PIK3CD: variants seen among roughly 807,000 people sequenced by gnomAD.
The protein encoded by PIK3CD is phosphatidylinositol 4,5-bisphosphate 3-kinase catalytic subunit delta isoform.
PIK3CD carries 20 observed loss-of-function variants against 122.9 expected under a neutral mutation model. The observed-to-expected ratio is 0.16, with a 90% CI of 0.11 to 0.24. The LOEUF is 0.24. Ranked by LOEUF, PIK3CD falls within the 10% of genes least tolerant of loss-of-function variation. The probability of loss-of-function intolerance (pLI) is 1.00; values close to 1 mark genes in which losing one functional copy is unlikely to be tolerated. For synonymous variants in PIK3CD, 596 were observed against 593.4 expected, an observed-to-expected ratio of 1.00 and a Z score of -0.06; for missense variants, 787 against 1,406.3, an observed-to-expected ratio of 0.56 and a Z score of 7.04.
chr1:9,637,706 A>G, the PIK3CD span, among the ~76,000 whole-genome samples: 1 of 152,152 alleles, frequency 6.6e-6, no homozygotes, highest in Non-Finnish European at 1.5e-5. Flanking sequence ...GTGGGAGACT[A>G]AAATCTACCA....
At chr1:9,725,076 G>C in intron 23 of PIK3CD, 140 bp downstream of exon 23, 1 of 1,114,242 alleles carries the variant, frequency 9.0e-7, no homozygotes, top group Non-Finnish European at 1.3e-6. Flanking sequence ...CCAGGACCCA[G>C]CAGTGGAGCT....
Position 9,720,125 on chromosome 1 carries a change from G to A in PIK3CD, c.1353G>A (p.Glu451=), listed in dbSNP as rs147088845. The change falls in exon 11 of 24, where the codon GAG becomes GAA. Residue 451 remains glutamate (E), a synonymous_variant. Transcript: ENST00000377346. This position sits in a 1 kb window ranked among gnomAD's most constrained non-coding sequence, Gnocchi z 9.0. Reference sequence around the variant, plus strand: ...CCCTGTGTTCAGATGAGAAGGGCGAGCTGCTGAACCCCACGGGCACTGTGC... The same window carrying A: ...CCCTGTGTTCAGATGAGAAGGGCGAACTGCTGAACCCCACGGGCACTGTGC... ...MWPSVPDEKG[E]LLNPTGTVRS... The A allele has an allele frequency of 3.1e-5, 50 of 1,613,134 alleles. No homozygotes were observed. Among genetic ancestry groups the A allele is most frequent in the African/African-American group, 1.7e-4 (13 of 74,938 alleles).
At chr1:9,707,101 C>T (rs1264816913) in intron 2 of PIK3CD, among the ~76,000 whole-genome samples, 1 of 151,818 alleles carries the variant, frequency 6.6e-6, no homozygotes, top group Non-Finnish European at 1.5e-5. Context: ...GCATGAGCCA[C>T]CATGAGCCCA....
At chr1:9,628,140 G>A in the PIK3CD span, among the ~76,000 whole-genome samples, 5 of 152,028 alleles carry the variant, frequency 3.3e-5, no homozygotes, top group African/African-American at 9.7e-5. Flanking sequence ...CTGTCTCTAC[G>A]AAAATACAAA....
chr1:9,657,012 A>G (rs539768371), intron 1 of PIK3CD, among the ~76,000 whole-genome samples: 1 of 151,714 alleles, frequency 6.6e-6, no homozygotes, highest in South Asian at 2.1e-4. Flanking sequence ...TTAAGGCATC[A>G]GCAAGGCCTC....
intron 23 of PIK3CD, among the ~76,000 whole-genome samples, chr1:9,726,274 C>T (rs961962091): frequency 1.2e-4 from 18 of 151,990 alleles, no homozygotes; most frequent in Non-Finnish European, 1.9e-4. Context: ...TTTGGGAGGC[C>T]AAGGCGGGTG....
the PIK3CD span, among the ~76,000 whole-genome samples, chr1:9,645,020 CTTTTCTTT>C: frequency 1.7e-5 from 2 of 120,722 alleles, no homozygotes. Context: ...CTTTTCTTTT[CTTTTCTTT>C]TTTTTTTTTT....
chr1:9,681,743 A>G (rs1258974897), intron 1 of PIK3CD, among the ~76,000 whole-genome samples: 2 of 152,144 alleles, frequency 1.3e-5, no homozygotes, highest in Non-Finnish European at 1.5e-5. Flanking sequence ...TAAAGGTGCT[A>G]TCCCATCACT....
the PIK3CD span, among the ~76,000 whole-genome samples, chr1:9,633,283 G>A: frequency 6.6e-6 from 1 of 152,100 alleles, no homozygotes; most frequent in Non-Finnish European, 1.5e-5. Flanking sequence ...TAAAACGCTA[G>A]TTGGTTGCCT....
At chr1:9,709,296 G>T (rs542668119) in intron 2 of PIK3CD, among the ~76,000 whole-genome samples, 2 of 152,112 alleles carry the variant, frequency 1.3e-5, no homozygotes, top group East Asian at 3.9e-4. Flanking sequence ...TGCCTGCCTG[G>T]GCCTCCCAAA....
chr1:9,688,508 C>G (rs1474843242), intron 1 of PIK3CD, among the ~76,000 whole-genome samples: 1 of 152,198 alleles, frequency 6.6e-6, no homozygotes, highest in East Asian at 1.9e-4. Context: ...TCCCCACTTA[C>G]AACCAAGGGA....
At chr1:9,636,903 T>TC in the PIK3CD span, among the ~76,000 whole-genome samples, 1 of 141,560 alleles carries the variant, frequency 7.1e-6, no homozygotes, top group South Asian at 2.2e-4. Context: ...TTCTTTTCTT[T>TC]CTTTTTTTTT....
intron 2 of PIK3CD, among the ~76,000 whole-genome samples, chr1:9,708,969 T>C (rs1170951362): frequency 1.3e-5 from 2 of 152,000 alleles, no homozygotes; most frequent in Non-Finnish European, 2.9e-5. Context: ...CCAGGTCCTT[T>C]GTGTTTGTAA....
In PIK3CD at chr1:9,715,990, T is replaced by A; in HGVS notation, c.512T>A (p.Leu171Gln). The A allele has an allele frequency of 6.2e-7, 1 of 1,612,556 alleles. No homozygotes were observed. ...AWLQYSFPLQ[L>Q]EPSAQTWGPG... Reference sequence around the variant, plus strand: ...CTGCAGTACAGTTTCCCCCTGCAGCTGGAGCCCTCGGCTCAAACCTGGGGG... The same window carrying A: ...CTGCAGTACAGTTTCCCCCTGCAGCAGGAGCCCTCGGCTCAAACCTGGGGG... Residue 171 changes from leucine to glutamine, a missense_variant, in exon 5 of 24, where the codon CTG (leucine) becomes CAG (glutamine). By Grantham distance (113) the Leu-to-Gln change is moderately radical. Transcript: ENST00000377346. This position sits in a 1 kb window ranked among gnomAD's most constrained non-coding sequence, Gnocchi z 4.1.
chr1:9,644,780 A>G, the PIK3CD span, among the ~76,000 whole-genome samples: 1 of 152,134 alleles, frequency 6.6e-6, no homozygotes, highest in African/African-American at 2.4e-5. Flanking sequence ...CCTTAGCTGC[A>G]AGAAAGTCAA....
the PIK3CD span, among the ~76,000 whole-genome samples, chr1:9,645,394 C>T: frequency 5.3e-5 from 8 of 151,896 alleles, no homozygotes; most frequent in East Asian, 1.9e-4. Context: ...CCTAGGGTCA[C>T]GGTTTCAAAA....
At chr1:9,695,950 A>G (rs1179968228) in intron 2 of PIK3CD, among the ~76,000 whole-genome samples, 1 of 151,516 alleles carries the variant, frequency 6.6e-6, no homozygotes, top group Non-Finnish European at 1.5e-5. Flanking sequence ...TGTAATTGTC[A>G]TTCAAATAAA....
At position 9,689,896 on chromosome 1, in the gene PIK3CD, G is replaced by T. The variant is rs1289560017; in HGVS notation, c.-137-1571G>T. Among the ~76,000 whole-genome samples, 5 of 152,034 alleles carry T rather than the reference G, an allele frequency of 3.3e-5. No homozygotes were observed. Among genetic ancestry groups the T allele is most frequent in the Non-Finnish European group, 5.9e-5 (4 of 67,894 alleles). On this transcript the variant is annotated intron_variant, in intron 1 of 23. Transcript: ENST00000377346. The surrounding 1 kb of genome is among the most constrained non-coding windows in gnomAD (Gnocchi z 6.1). ...GGGGCTTGGGGGGCCGAGGCAGGGGGTTGCGTTCGCGGTGGGATTCTCAGC... is the reference window on the plus strand; with the variant it reads ...GGGGCTTGGGGGGCCGAGGCAGGGGTTTGCGTTCGCGGTGGGATTCTCAGC...
intron 1 of PIK3CD, among the ~76,000 whole-genome samples, chr1:9,655,697 CTTTTTTTTTTTTTTT>C (rs576002642): frequency 1.7e-5 from 2 of 120,762 alleles, no homozygotes; most frequent in Non-Finnish European, 3.3e-5. Flanking sequence ...CTTTTTTCTT[CTTTTTTTTTTTTTTT>C]TTTGAGACGG....
Sources: gnomAD v4.1 joint callset for allele counts (sites outside exome capture counted in the v4.1 genomes callset) on GRCh38, gnomAD v4.1.1 for gene constraint, Gnocchi (gnomAD v3.1) non-coding constraint, MANE v1.5 for transcripts, NCBI Gene and HGNC (gene_info 2026-07-23, HGNC 2026-07-21) for gene names.